Variants in HYDIN observed in about 807,000 individuals in gnomAD.
HYDIN encodes the protein HYDIN axonemal central pair apparatus protein, also known as axonemal central pair apparatus protein HYDIN.
A neutral mutation model predicts 403.9 loss-of-function variants in HYDIN; 132 were observed. The observed-to-expected ratio is 0.33, with a 90% CI of 0.28 to 0.38. HYDIN has a LOEUF of 0.38. Ranked by LOEUF, HYDIN falls within the 10% of genes least tolerant of loss-of-function variation. HYDIN has a pLI of 1.00. For missense variants in HYDIN, 2,827 were observed against 5,009.5 expected (o/e 0.56, Z 13.15); for synonymous variants, 1,202 against 1,891.7 (o/e 0.64, Z 9.46).
chr16:71,226,045 G>A (rs2041018771), intron 1 of HYDIN, among the ~76,000 whole-genome samples: 1 of 152,172 alleles, frequency 6.6e-6, no homozygotes, highest in Non-Finnish European at 1.5e-5. Flanking sequence ...TATTTTTGGA[G>A]ATGTTAACCT....
At chr16:70,944,177 G>A (rs1160728777) in intron 41 of HYDIN, among the ~76,000 whole-genome samples, 7 of 152,218 alleles carry the variant, frequency 4.6e-5, no homozygotes, top group Non-Finnish European at 7.3e-5. Flanking sequence ...TGAACTGCAC[G>A]CAGCTTTTCA....
At chr16:71,165,146 G>T (rs1316208944) in intron 5 of HYDIN, among the ~76,000 whole-genome samples, 1 of 150,958 alleles carries the variant, frequency 6.6e-6, no homozygotes, top group African/African-American at 2.5e-5. Context: ...GTCAGCTCAG[G>T]CTGCTTCTCC....
rs1038269860 is a variant in HYDIN at position 70,803,805 on chromosome 16, C to T, written c.*3775G>A. ...GTATTGTCACCTCTGACTTGAGGCT[C>T]CTAAAGAAGTGGTTAGACTTAGCAT... On this transcript the variant is annotated 3_prime_UTR_variant, in exon 86 of 86. Coordinates refer to ENST00000393567, the MANE Select transcript of HYDIN (RefSeq NM_001270974.2). Among the ~76,000 whole-genome samples, 2 of 152,126 alleles carry T rather than the reference C, an allele frequency of 1.3e-5. No homozygotes were observed. The highest frequency in any genetic ancestry group is 4.8e-5 in the African/African-American group (2 of 41,408).
chr16:70,878,475 G>A (rs1420449772), intron 62 of HYDIN, among the ~76,000 whole-genome samples: 1 of 129,526 alleles, frequency 7.7e-6, no homozygotes, highest in Admixed American at 7.8e-5. Context: ...AACAACAGCA[G>A]CAAGAACAAT....
At chr16:71,076,155 A>G (rs1319429045) in intron 13 of HYDIN, among the ~76,000 whole-genome samples, 2 of 152,258 alleles carry the variant, frequency 1.3e-5, no homozygotes, top group African/African-American at 4.8e-5. Flanking sequence ...AAGGGAGAAG[A>G]GAGATTAACT....
Position 70,920,935 on chromosome 16 carries a change from G to A in HYDIN, c.7441C>T (p.Gln2481Ter). ...TCCTCCATCCCTGCAGGAGGCAGCT[G>A]GACTCCTTGCTTCCGGTCCCAGTAC... ...LMYWDRKQGV[Q>*]LPPAGMEEAP... The change falls in exon 46 of 86, where the codon CAG becomes TAG. Residue 2481 changes from glutamine (Q) to a stop codon, truncating the protein, a stop_gained. Coordinates refer to ENST00000393567, the MANE Select transcript of HYDIN (RefSeq NM_001270974.2). LOFTEE classifies it high-confidence loss of function. 1 of 1,613,200 alleles carries A rather than the reference G, an allele frequency of 6.2e-7. No homozygotes were observed. Among genetic ancestry groups the A allele is most frequent in the Non-Finnish European group, 8.5e-7 (1 of 1,179,560 alleles).
chr16:71,165,734 G>A (rs1271509144), intron 5 of HYDIN, among the ~76,000 whole-genome samples: 3 of 151,936 alleles, frequency 2.0e-5, no homozygotes, highest in African/African-American at 4.8e-5. Context: ...TTTACATGGC[G>A]TGAGGGGGAG....
chr16:70,826,401 T>G (rs2036590370), intron 83 of HYDIN, among the ~76,000 whole-genome samples: 1 of 152,118 alleles, frequency 6.6e-6, no homozygotes, highest in Non-Finnish European at 1.5e-5. Context: ...ATTGATTCTT[T>G]TTCACAATAG....
intron 71 of HYDIN, among the ~76,000 whole-genome samples, chr16:70,859,244 T>A (rs2039245822): frequency 6.6e-6 from 1 of 151,960 alleles, no homozygotes; most frequent in Admixed American, 6.6e-5. Context: ...GAGCATGTAG[T>A]GAGCCGAGAT....
intron 5 of HYDIN, among the ~76,000 whole-genome samples, chr16:71,163,846 A>G (rs1404110896): frequency 6.6e-6 from 1 of 152,246 alleles, no homozygotes. Flanking sequence ...AAGCCACTAA[A>G]TGTGGGATTG....
At chr16:70,881,495 C>T (rs2040803204) in intron 60 of HYDIN, among the ~76,000 whole-genome samples, 1 of 144,640 alleles carries the variant, frequency 6.9e-6, no homozygotes. Context: ...GTAGTCCCAG[C>T]TACTTGGGAG....
chr16:70,904,627 A>C (rs2076484259), intron 50 of HYDIN, among the ~76,000 whole-genome samples: 1 of 130,896 alleles, frequency 7.6e-6, no homozygotes. Context: ...CAGCCTCCCA[A>C]GTAGCTGGGA....
At chr16:70,908,909 C>A (rs758186325) in intron 47 of HYDIN, 48 bp from the exon 48 acceptor site, 23 of 1,603,472 alleles carry the variant, frequency 1.4e-5, no homozygotes, top group Non-Finnish European at 1.7e-5. Context: ...TTTTTGTACA[C>A]ACAAACAGAA....
intron 64 of HYDIN, among the ~76,000 whole-genome samples, chr16:70,872,622 C>T (rs2040199392): frequency 6.8e-6 from 1 of 147,804 alleles, no homozygotes; most frequent in Non-Finnish European, 1.5e-5. Flanking sequence ...ACCCACCCAC[C>T]CATCATCCAT....
chr16:70,857,614 G>A (rs1363722249), intron 72 of HYDIN, 91 bp downstream of exon 72: 1 of 1,244,780 alleles, frequency 8.0e-7, no homozygotes, highest in African/African-American at 1.5e-5. Flanking sequence ...GGGACCAGGA[G>A]AGGTTTCTTA....
intron 1 of HYDIN, among the ~76,000 whole-genome samples, chr16:71,224,804 G>A (rs541805745): frequency 4.7e-4 from 72 of 151,862 alleles, no homozygotes; most frequent in Non-Finnish European, 8.8e-4. Flanking sequence ...CTCGTGATCC[G>A]CCCGCCTCGG....
At chr16:70,909,622 A>G (rs1293601933) in intron 47 of HYDIN, among the ~76,000 whole-genome samples, 1 of 149,136 alleles carries the variant, frequency 6.7e-6, no homozygotes, top group Non-Finnish European at 1.5e-5. Flanking sequence ...AAAATGAACA[A>G]TAATTCCACA....
intron 21 of HYDIN, among the ~76,000 whole-genome samples, chr16:71,024,582 TCCAGTA>T (rs1390021381): frequency 4.2e-5 from 6 of 141,760 alleles, no homozygotes; most frequent in Non-Finnish European, 6.1e-5. Flanking sequence ...TCACTAGATT[TCCAGTA>T]CCAGCTCAAT....
Position 70,944,949 on chromosome 16 carries a change from C to T in HYDIN, c.6532-1000G>A, listed in dbSNP as rs1489438589. 4.6e-5 allele frequency among the ~76,000 whole-genome samples: 7 copies of T among 152,182 alleles called. No individual in the cohort carries two copies. In the East Asian group the frequency reaches 7.7e-4, roughly 17 times the overall value. On this transcript the variant is annotated intron_variant, in intron 41 of 85. Transcript: ENST00000393567. ...TGTATTTTTAGTAGAGACAGGGTTT[C>T]GCCATGTTGGCTAGGCTGGTCTCGA...
Sources: gnomAD v4.1 joint callset for allele counts (sites outside exome capture counted in the v4.1 genomes callset) on GRCh38, gnomAD v4.1.1 for gene constraint, MANE v1.5 for transcripts, NCBI Gene and HGNC (gene_info 2026-07-23, HGNC 2026-07-21) for gene names.